Variants in OPTC observed in about 807,000 individuals in gnomAD.
OPTC encodes opticin.
Under a neutral mutation model 25.4 loss-of-function variants are expected in OPTC, and 22 were observed. The observed-to-expected ratio is 0.87, with a 90% confidence interval of 0.62 to 1.24. The LOEUF is 1.24. Among genes scored for constraint, OPTC ranks in the 50% most tolerant of loss-of-function variants. The probability of loss-of-function intolerance (pLI) is 0.00; values close to 1 mark genes in which losing one functional copy is unlikely to be tolerated. For missense variants in OPTC, 417 were observed against 425.2 expected (o/e 0.98, Z 0.17); for synonymous variants, 169 against 179.3 (o/e 0.94, Z 0.46).
chr1:203,498,639 G>A (rs1198276028), intron 3 of OPTC, 42 bp from the exon 4 acceptor site: 1 of 1,613,302 alleles, frequency 6.2e-7, no homozygotes, highest in Non-Finnish European at 8.5e-7. Context: ...GGCCCCAGAG[G>A]CTAAAGAGAT....
chr1:203,506,145 C>CTTTTTCTTTTT lies in OPTC; in HGVS notation c.*25+2405_*25+2406insCTTTTTTTTTT, dbSNP rs1558240923. Among the ~76,000 whole-genome samples the CTTTTTCTTTTT allele has an allele frequency of 2.2e-5, 2 of 89,464 alleles. 1 individual carries two copies. The allele number at this position is 89,464 out of a possible 152,430, so 58.7% of individuals were successfully genotyped here. On this transcript the variant is annotated intron_variant, in intron 7 of 7. Transcript: ENST00000367222. ...ATCCTGGATTGAGGAATCCAATTTT[C>CTTTTTCTTTTT]TTTTTTCTTTTTTTTTTTTTTTTGA... is the stretch of plus-strand genomic sequence containing the variant.
Position 203,504,239 on chromosome 1 carries a change from T to C in OPTC, c.*25+494T>C, listed in dbSNP as rs558787113. 2.6e-5 allele frequency among the ~76,000 whole-genome samples: 4 copies of C among 152,276 alleles called. 1 individual carries two copies. The highest frequency in any genetic ancestry group is 9.6e-5 in the African/African-American group (4 of 41,570). On this transcript the variant is annotated intron_variant, in intron 7 of 7. Coordinates refer to ENST00000367222, the MANE Select transcript of OPTC (RefSeq NM_014359.4). ...AATTATATAAACTCACAATTAAATA[T>C]ATTATATTGAAAACAAATGTAATAA... is the stretch of plus-strand genomic sequence containing the variant.
At chr1:203,503,837 A>T in intron 7 of OPTC, 92 bp downstream of exon 7, 1 of 1,097,180 alleles carries the variant, frequency 9.1e-7, no homozygotes, top group East Asian at 2.4e-5. Flanking sequence ...CCCAGGCATT[A>T]ATCAACCTCT....
intron 5 of OPTC, 91 bp downstream of exon 5, chr1:203,499,942 C>A: frequency 9.8e-7 from 1 of 1,015,520 alleles, no homozygotes; most frequent in Non-Finnish European, 1.5e-6. Context: ...CCACTCACCT[C>A]CACCACCACC....
chr1:203,494,720 A>C (rs970548832), intron 1 of OPTC, among the ~76,000 whole-genome samples: 1 of 152,238 alleles, frequency 6.6e-6, no homozygotes, highest in Non-Finnish European at 1.5e-5. Context: ...AGTCTACTAG[A>C]AACTTGTGCA....
chr1:203,501,499 G>C (rs1259875152), intron 5 of OPTC, among the ~76,000 whole-genome samples: 1 of 152,204 alleles, frequency 6.6e-6, no homozygotes, highest in Non-Finnish European at 1.5e-5. Context: ...CATTCAATAG[G>C]GCTAGGAAGA....
At chr1:203,506,989 T>C (rs994345019) in intron 7 of OPTC, among the ~76,000 whole-genome samples, 2 of 152,242 alleles carry the variant, frequency 1.3e-5, no homozygotes, top group African/African-American at 2.4e-5. Context: ...TAATCCCCCA[T>C]TTTTGGCTAG....
rs116250242 is a variant in OPTC, at chr1:203,500,976, C to T, written c.732+1125C>T. 5.7e-3 allele frequency among the ~76,000 whole-genome samples: 869 copies of T among 152,300 alleles called. 9 individuals carry two copies. Among genetic ancestry groups the T allele is most frequent in the African/African-American group, 0.02 (834 of 41,546 alleles). ...AGGTTCTGCTCCCTGAAAACATACA[C>T]GTGAGTTTGGCTTGGAATAGTGCTG... On this transcript the variant is annotated intron_variant, in intron 5 of 7. Coordinates refer to ENST00000367222, the MANE Select transcript of OPTC (RefSeq NM_014359.4).
intron 7 of OPTC, among the ~76,000 whole-genome samples, chr1:203,506,096 C>T (rs1197713640): frequency 6.6e-6 from 1 of 152,038 alleles, no homozygotes; most frequent in African/African-American, 2.4e-5. Context: ...CAGCTGAAAG[C>T]CTAAAGTTCT....
chr1:203,499,304 G>C (rs1287922570), intron 4 of OPTC, among the ~76,000 whole-genome samples: 2 of 152,038 alleles, frequency 1.3e-5, no homozygotes, highest in Non-Finnish European at 2.9e-5. Flanking sequence ...GCCTTTCCAG[G>C]CCTCAGTGCC....
chr1:203,505,344 C>T (rs1286003967), intron 7 of OPTC, among the ~76,000 whole-genome samples: 1 of 152,138 alleles, frequency 6.6e-6, no homozygotes, highest in Non-Finnish European at 1.5e-5. Flanking sequence ...AGAGGAGGAC[C>T]CAACTTAGGG....
chr1:203,497,714 A>T (rs1468499007), intron 3 of OPTC, among the ~76,000 whole-genome samples: 1 of 152,080 alleles, frequency 6.6e-6, no homozygotes, highest in African/African-American at 2.4e-5. Flanking sequence ...TCTTCTCGGG[A>T]TGTTTGCCTT....
chr1:203,504,261 A>T (rs1379701021), intron 7 of OPTC, among the ~76,000 whole-genome samples: 1 of 152,236 alleles, frequency 6.6e-6, no homozygotes, highest in Admixed American at 6.5e-5. Context: ...AACAAATGTA[A>T]TAATTATTCA....
Position 203,498,704 on chromosome 1 carries a change from G to T in OPTC, c.394G>T (p.Val132Leu). ...AGGTCTGCCCACCTGCCTGGTCTGC[G>T]TGTGCCTCGGTTCCTCTGTGTATTG... ...NHGLPTCLVC[V>L]CLGSSVYCDD... The change falls in exon 4 of 8, where the codon GTG becomes TTG. Residue 132 changes from valine (V) to leucine (L), a missense_variant. Physicochemically the swap from Val to Leu is conservative, Grantham distance 32. Coordinates refer to ENST00000367222, the MANE Select transcript of OPTC (RefSeq NM_014359.4). The T allele has an allele frequency of 1.2e-6, 2 of 1,614,192 alleles. No homozygotes were observed. The highest frequency in any genetic ancestry group is 8.5e-7 in the Non-Finnish European group (1 of 1,180,034).
intron 5 of OPTC, 90 bp downstream of exon 5, chr1:203,499,941 TCCACC>T (rs1661349763): frequency 1.0e-6 from 1 of 992,510 alleles, no homozygotes; most frequent in Admixed American, 2.2e-5. Flanking sequence ...ACCACTCACC[TCCACC>T]ACCACCCACC....
At position 203,502,894 on chromosome 1, in the gene OPTC, A is replaced by G; in HGVS notation, c.733-20A>G. ...CCAACAGGACCCACCAGCCTCCTAC[A>G]CTCTTTGCTTTCTCCACAGGCAATG... On this transcript the variant is annotated intron_variant, in intron 5 of 7. Transcript: ENST00000367222. The G allele has an allele frequency of 6.2e-7, 1 of 1,605,358 alleles. No homozygotes were observed. The highest frequency in any genetic ancestry group is 8.5e-7 in the Non-Finnish European group (1 of 1,172,730).
Position 203,497,031 on chromosome 1 carries a change from A to G in OPTC, c.286A>G (p.Thr96Ala), listed in dbSNP as rs922169346. ...CAGCATCAGTCCCGCCAAGAGCACT[A>G]CGGCTCCAGGGACACCCTCGTCAAA... ...ATSISPAKST[T>A]APGTPSSNPT... Residue 96 changes from threonine to alanine, a missense_variant, in exon 3 of 8, where the codon ACG becomes GCG. Physicochemically the swap from Thr to Ala is moderately conservative, Grantham distance 58 (BLOSUM62 0). Coordinates refer to ENST00000367222, the MANE Select transcript of OPTC (RefSeq NM_014359.4). 7 of 1,614,116 alleles carry G rather than the reference A, an allele frequency of 4.3e-6. No individual in the cohort carries two copies. The highest frequency in any genetic ancestry group is 5.9e-6 in the Non-Finnish European group (7 of 1,180,002).
chr1:203,497,971 T>C (rs1162269604), intron 3 of OPTC, among the ~76,000 whole-genome samples: 1 of 152,170 alleles, frequency 6.6e-6, no homozygotes, highest in Non-Finnish European at 1.5e-5. Context: ...ATTCCTTGAG[T>C]TGAGCTAAAC....
rs539446567 is a variant in OPTC, at chr1:203,498,931, C to T, written c.529+92C>T. On this transcript the variant is annotated intron_variant, in intron 4 of 7. Transcript: ENST00000367222. ...TCACCAACACTGTGTTAGTGCCCCC[C>T]GTGTTAGCTCTTTCCTGTTGGCTCT... 5.7e-5 allele frequency: 80 copies of T among 1,394,788 alleles called. No homozygotes were observed. In the East Asian group the frequency reaches 1.2e-3, roughly 22 times the overall value. 86.4% of individuals were successfully genotyped at this position (1,394,788 alleles called of 1,614,324 possible).
Sources: allele counts gnomAD v4.1 joint callset (sites outside exome capture counted in the v4.1 genomes callset), GRCh38; gene constraint gnomAD v4.1.1; transcripts MANE v1.5; gene names NCBI Gene and HGNC (gene_info 2026-07-23, HGNC 2026-07-21).